Variants in PAQR4 observed in about 807,000 individuals in gnomAD.
The protein encoded by PAQR4 is progestin and adipoQ receptor family member IV.
A neutral mutation model predicts 20.9 loss-of-function variants in PAQR4; 26 were observed. The ratio of observed to expected loss-of-function variants is 1.24; its 90% CI spans 0.91 to 1.73. PAQR4 has a LOEUF of 1.73. Among genes scored for constraint, PAQR4 ranks in the 40% most tolerant of loss-of-function variants. The pLI is 0.00. For missense variants in PAQR4, 400 were observed against 380.1 expected (o/e 1.05, Z -0.44); for synonymous variants, 193 against 171.6 (o/e 1.12, Z -0.97).
Position 2,971,804 on chromosome 16 carries a change from G to A in PAQR4, c.678G>A (p.Glu226=), listed in dbSNP as rs757409333. 4 of 1,612,858 alleles carry A rather than the reference G, an allele frequency of 2.5e-6. No homozygotes were observed. The highest frequency in any genetic ancestry group is 1.1e-5 in the South Asian group (1 of 91,090). Residue 226 remains glutamate (E), a synonymous_variant, in exon 3 of 3, where the codon GAG becomes GAA. Coordinates refer to ENST00000318782, the MANE Select transcript of PAQR4 (RefSeq NM_152341.5). The part of the protein sequence containing the change: ...GGLVNVARLP[E]RWGPGRFDYW... The stretch of plus-strand genomic sequence containing the variant: ...TGGTAAATGTAGCCCGTCTGCCCGA[G>A]CGCTGGGGACCTGGCCGCTTTGACT...
Position 2,971,805 on chromosome 16 carries a change from C to CT in PAQR4, c.679_680insT (p.Arg227LeufsTer8). 6.2e-7 allele frequency: 1 copy of CT among 1,612,840 alleles called. No individual in the cohort carries two copies. Among genetic ancestry groups the CT allele is most frequent in the Non-Finnish European group, 8.5e-7 (1 of 1,179,906 alleles). Reference sequence around the variant, plus strand: ...GGTAAATGTAGCCCGTCTGCCCGAGCGCTGGGGACCTGGCCGCTTTGACTA... The same window carrying CT: ...GGTAAATGTAGCCCGTCTGCCCGAGCTGCTGGGGACCTGGCCGCTTTGACTA... On this transcript the variant is annotated frameshift_variant, in exon 3 of 3. Transcript: ENST00000318782. LOFTEE classifies it high-confidence loss of function.
chr16:2,970,867 T>C (rs544788613), intron 1 of PAQR4: 1 of 572,618 alleles, frequency 1.7e-6, no homozygotes, highest in Non-Finnish European at 3.1e-6. Flanking sequence ...TCCTCTGCCA[T>C]TGCTTACCTG....
At chr16:2,970,984 T>C (rs1337458413) in intron 1 of PAQR4, 173 bp from the exon 2 acceptor site, 1 of 632,516 alleles carries the variant, frequency 1.6e-6, no homozygotes, top group Non-Finnish European at 2.8e-6. Context: ...CCATGATAAG[T>C]AACCAGTGCC....
Position 2,972,683 on chromosome 16 carries a change from G to C in PAQR4, c.*735G>C, listed in dbSNP as rs774238748. 4.6e-6 allele frequency: 7 copies of C among 1,535,880 alleles called. No individual in the cohort carries two copies. The South Asian group carries it at 8.3e-5, about 18-fold the overall frequency. On this transcript the variant is annotated 3_prime_UTR_variant, in exon 3 of 3. Transcript: ENST00000318782. Reference sequence around the variant, plus strand: ...ACCTCTTTGCTCCACACAGCATGGGGCTTCAGCTGCTGGCCCAAGGCCAGG... The same window carrying C: ...ACCTCTTTGCTCCACACAGCATGGGCCTTCAGCTGCTGGCCCAAGGCCAGG...
chr16:2,969,890 G>C (rs2071933719), intron 1 of PAQR4, 50 bp downstream of exon 1: 1 of 1,598,002 alleles, frequency 6.3e-7, no homozygotes, highest in Non-Finnish European at 8.5e-7. Flanking sequence ...CGCCCTACCT[G>C]CGTTGGGCCG....
At position 2,971,216 on chromosome 16, in the gene PAQR4, G is replaced by C. The variant is rs372371937; in HGVS notation, c.226G>C (p.Gly76Arg). ...AATGACCATGCCCTGGGGTCAGCTG[G>C]GCAAGGATGGCTGGCTGGGAGGCAC... Reference protein sequence around the residue: ...VPMTMPWGQLGKDGWLGGTHC... With the variant: ...VPMTMPWGQLRKDGWLGGTHC... Residue 76 changes from glycine (G) to arginine (R), a missense_variant, in exon 2 of 3, where the codon GGC (glycine) becomes CGC (arginine). Physicochemically the swap from Gly to Arg is moderately radical, Grantham distance 125 (BLOSUM62 -2). Coordinates refer to ENST00000318782, the MANE Select transcript of PAQR4 (RefSeq NM_152341.5). 6.8e-6 allele frequency: 11 copies of C among 1,613,250 alleles called. No individual in the cohort carries two copies. Among genetic ancestry groups the C allele is most frequent in the Non-Finnish European group, 8.5e-7 (1 of 1,180,002 alleles).
chr16:2,973,101 G>A lies in PAQR4; in HGVS notation c.*1153G>A, dbSNP rs1194932778. ...GAGTAGTGACACTCAGGATCCAAAAGCTAGCCCTGCCCACCCCAGCCCCTG... is the reference window on the plus strand; with the variant it reads ...GAGTAGTGACACTCAGGATCCAAAAACTAGCCCTGCCCACCCCAGCCCCTG... On this transcript the variant is annotated 3_prime_UTR_variant, in exon 3 of 3. Transcript: ENST00000318782. 7.6e-6 allele frequency: 12 copies of A among 1,569,392 alleles called. No homozygotes were observed. The highest frequency in any genetic ancestry group is 2.7e-5 in the African/African-American group (2 of 74,506).
chr16:2,972,284 C>T lies in PAQR4; in HGVS notation c.*336C>T. ...ACGTCTTGCTCTGAGAGTTCAAGTC[C>T]TGCCAGGCCGCCAGCCCAGAGCCTC... On this transcript the variant is annotated 3_prime_UTR_variant, in exon 3 of 3. Transcript: ENST00000318782. 2 of 494,196 alleles carry T rather than the reference C, an allele frequency of 4.0e-6. No homozygotes were observed. Among genetic ancestry groups the T allele is most frequent in the Non-Finnish European group, 7.1e-6 (2 of 279,888 alleles). 30.6% of individuals were successfully genotyped at this position (494,196 alleles called of 1,614,324 possible).
chr16:2,970,473 G>A (rs1007653626), intron 1 of PAQR4, among the ~76,000 whole-genome samples: 1 of 152,216 alleles, frequency 6.6e-6, no homozygotes, highest in African/African-American at 2.4e-5. Context: ...GCCCCGTTTG[G>A]CCCCTGGGAG....
At chr16:2,969,920 G>C in intron 1 of PAQR4, 80 bp downstream of exon 1, 1 of 1,565,100 alleles carries the variant, frequency 6.4e-7, no homozygotes, top group Non-Finnish European at 8.7e-7. Context: ...AGGCCGAGGA[G>C]GGCCCCAGCG....
intron 1 of PAQR4, among the ~76,000 whole-genome samples, chr16:2,970,397 C>A (rs1486867260): frequency 6.6e-6 from 1 of 152,252 alleles, no homozygotes; most frequent in Non-Finnish European, 1.5e-5. Context: ...GCGGCCTGGC[C>A]CAGCCTGGGT....
intron 1 of PAQR4, chr16:2,970,142 G>C (rs1049169251): frequency 5.9e-6 from 2 of 339,754 alleles, no homozygotes; most frequent in African/African-American, 4.4e-5. Flanking sequence ...CAGCGCCCTG[G>C]GAACCCCCTC....
chr16:2,970,040 G>A (rs2071939026), intron 1 of PAQR4, 200 bp downstream of exon 1: 1 of 707,334 alleles, frequency 1.4e-6, no homozygotes, highest in Non-Finnish European at 2.3e-6. Context: ...GGTGGGGGCC[G>A]GGTCAGGAGA....
chr16:2,969,867 C>G (rs1024266703), intron 1 of PAQR4, 27 bp downstream of exon 1: 4 of 1,606,460 alleles, frequency 2.5e-6, no homozygotes, highest in African/African-American at 1.4e-5. Flanking sequence ...AACGCGCTTC[C>G]CACACCCCCG....
rs375370782 is a variant in PAQR4, at chr16:2,973,232, G to A, written c.*1284G>A. The A allele has an allele frequency of 6.0e-5, 89 of 1,485,052 alleles. No homozygotes were observed. In the African/African-American group the frequency reaches 6.3e-4, roughly 10 times the overall value. The allele number at this position is 1,485,052 out of a possible 1,614,324, so 92.0% of individuals were successfully genotyped here. On this transcript the variant is annotated 3_prime_UTR_variant, in exon 3 of 3. Transcript: ENST00000318782. ...AGTGAAGGCCTGCAGGAGGGCAGGC[G>A]AGACAAGGAGGGTGTCCAGGGCTAG... is the stretch of plus-strand genomic sequence containing the variant.
intron 1 of PAQR4, chr16:2,970,088 T>C (rs1409519337): frequency 9.8e-6 from 5 of 509,868 alleles, no homozygotes; most frequent in Non-Finnish European, 1.7e-5. Context: ...TTAATCCCTC[T>C]GAGCCCCAGG....
At chr16:2,971,098 C>T (rs777006226) in intron 1 of PAQR4, 59 bp from the exon 2 acceptor site, 200 of 1,520,226 alleles carry the variant, frequency 1.3e-4, no homozygotes, top group Non-Finnish European at 1.7e-4. Flanking sequence ...GTGTCTGAAC[C>T]GTGGTCCCCT....
At position 2,973,411 on chromosome 16, in the gene PAQR4, C is replaced by G. The variant is rs749698001; in HGVS notation, c.*1463C>G. The stretch of plus-strand genomic sequence containing the variant: ...CAAAGTCCTTCCATCTGGCTGCACT[C>G]CAAGGCCCCCTCTGTCCTTTTCAGA... On this transcript the variant is annotated 3_prime_UTR_variant, in exon 3 of 3. Transcript: ENST00000318782. 226 of 1,534,662 alleles carry G rather than the reference C, an allele frequency of 1.5e-4. No individual in the cohort carries two copies. Among genetic ancestry groups the G allele is most frequent in the Admixed American group, 2.2e-4 (11 of 50,888 alleles).
In PAQR4 at chr16:2,973,067, G is replaced by A; in HGVS notation, c.*1119G>A. 1.3e-6 allele frequency: 2 copies of A among 1,597,532 alleles called. No individual in the cohort carries two copies. Among genetic ancestry groups the A allele is most frequent in the South Asian group, 1.1e-5 (1 of 88,058 alleles). On this transcript the variant is annotated 3_prime_UTR_variant, in exon 3 of 3. Coordinates refer to ENST00000318782, the MANE Select transcript of PAQR4 (RefSeq NM_152341.5). ...TGTCACTTAGGTCCAGGGCATCCCT[G>A]GGAGGAGAGAGTAGTGACACTCAGG...
Sources: gnomAD v4.1 joint callset for allele counts (sites outside exome capture counted in the v4.1 genomes callset) on GRCh38, gnomAD v4.1.1 for gene constraint, MANE v1.5 for transcripts, NCBI Gene and HGNC (gene_info 2026-07-23, HGNC 2026-07-21) for gene names.